The following PSMG4 variants were observed in gnomAD, a reference collection of about 807,000 sequenced individuals.
PSMG4 encodes proteasome assembly chaperone 4, also known as proteasome (prosome, macropain) assembly chaperone 4.
PSMG4 carries 10 observed loss-of-function variants against 11.0 expected under a neutral mutation model. The ratio of observed to expected loss-of-function variants is 0.91; its 90% CI spans 0.56 to 1.54. PSMG4 has a LOEUF of 1.54. PSMG4 is among the 40% of genes most tolerant of loss of function. PSMG4 has a pLI of 0.00. For synonymous variants in PSMG4, 95 were observed against 71.3 expected (o/e 1.33, Z -1.68); for missense variants, 198 against 160.9 (o/e 1.23, Z -1.25).
upstream of PSMG4, chr6:3,255,323 G>T (rs1019759515): frequency 3.3e-6 from 5 of 1,495,728 alleles, no homozygotes; most frequent in African/African-American, 7.0e-5. Flanking sequence ...GAGGCTAACG[G>T]CAACTGGTGG....
intron 2 of PSMG4, chr6:3,264,480 C>G: frequency 7.3e-7 from 1 of 1,361,898 alleles, no homozygotes; most frequent in South Asian, 1.5e-5. Context: ...GACCTGGTAC[C>G]TGACAAGCAG....
At chr6:3,256,397 A>G (rs1228321768), upstream of PSMG4, among the ~76,000 whole-genome samples, 2 of 152,110 alleles carry the variant, frequency 1.3e-5, no homozygotes, top group African/African-American at 4.8e-5. Flanking sequence ...ATGGTTCCCC[A>G]CTCGAGAAGG....
upstream of PSMG4, chr6:3,258,876 T>C (rs1757851523): frequency 1.8e-5 from 14 of 775,354 alleles, no homozygotes; most frequent in East Asian, 4.4e-4. Flanking sequence ...GGATCGCCCC[T>C]CCCCGACCAC....
upstream of PSMG4, chr6:3,258,891 C>CTCACCCCCGCCCT (rs1286610588): frequency 1.1e-6 from 1 of 929,526 alleles, no homozygotes; most frequent in Non-Finnish European, 1.4e-6. Flanking sequence ...GACCACGCCC[C>CTCACCCCCGCCCT]TCACCCCCGC....
chr6:3,267,771 A>G lies in PSMG4; in HGVS notation c.*59A>G. 6.7e-7 allele frequency: 1 copy of G among 1,502,298 alleles called. No individual in the cohort carries two copies. The highest frequency in any genetic ancestry group is 9.0e-7 in the Non-Finnish European group (1 of 1,110,298). The allele number at this position is 1,502,298 out of a possible 1,614,324, so 93.1% of individuals were successfully genotyped here. A position where few individuals can be genotyped will look rare whatever the true frequency, so the allele number is the denominator to read the frequency against. ...GTACAATGTACGTGTAAATAAATGG[A>G]TTGAATTTCAGTTTGTCATCAGGCC... On this transcript the variant is annotated 3_prime_UTR_variant, in exon 3 of 3. Coordinates refer to ENST00000438998, the MANE Select transcript of PSMG4 (RefSeq NM_001128591.2).
At chr6:3,264,288 C>T (rs1232262877) in intron 2 of PSMG4, 3 of 1,551,374 alleles carry the variant, frequency 1.9e-6, no homozygotes, top group Middle Eastern at 1.7e-4. Context: ...CTGAATGCTC[C>T]ACTCTTCCCA....
At chr6:3,259,757 C>G (rs1757905554) in intron 1 of PSMG4, among the ~76,000 whole-genome samples, 1 of 152,182 alleles carries the variant, frequency 6.6e-6, no homozygotes, top group Non-Finnish European at 1.5e-5. Context: ...TGCCGCCAGT[C>G]AAAGCAGACA....
At chr6:3,254,721 G>A (rs1487687853), upstream of PSMG4, among the ~76,000 whole-genome samples, 2 of 152,156 alleles carry the variant, frequency 1.3e-5, no homozygotes, top group East Asian at 1.9e-4. Flanking sequence ...CTGGACACCA[G>A]AAAAAACAAA....
chr6:3,261,750 G>C (rs11242840), intron 1 of PSMG4, among the ~76,000 whole-genome samples: 103,665 of 151,812 alleles, frequency 0.68, 38,387 homozygotes, highest in Non-Finnish European at 0.83. Flanking sequence ...GACCCGTGGG[G>C]CGGCCCTCCA....
At chr6:3,258,828 A>G (rs1757849674), upstream of PSMG4, 1 of 435,904 alleles carries the variant, frequency 2.3e-6, no homozygotes, top group Non-Finnish European at 3.8e-6. Context: ...CAGGGCCGGC[A>G]GCCGCCCCGC....
intron 1 of PSMG4, among the ~76,000 whole-genome samples, chr6:3,260,054 C>G (rs902281497): frequency 1.1e-4 from 17 of 152,006 alleles, no homozygotes; most frequent in African/African-American, 3.6e-4. Context: ...ATCCTCCTTC[C>G]TCAGCCTCCC....
At chr6:3,258,923 A>C, upstream of PSMG4, 1 of 1,151,182 alleles carries the variant, frequency 8.7e-7, no homozygotes, top group Non-Finnish European at 1.1e-6. Context: ...CGAAAGCGAA[A>C]GCGCGCTCGG....
upstream of PSMG4, chr6:3,254,980 G>A (rs1169519246): frequency 4.1e-6 from 6 of 1,481,272 alleles, no homozygotes; most frequent in Non-Finnish European, 5.4e-6. Context: ...ATGTGGCTGT[G>A]GATCCCATGG....
chr6:3,262,069 G>C lies in PSMG4; in HGVS notation c.175-1615G>C, dbSNP rs550651415. ...GACCTTGGGTTGAGCAGGGATTTTT[G>C]GTGCCCAGAGAGGCTGCAGGACTAG... is the stretch of plus-strand genomic sequence containing the variant. On this transcript the variant is annotated intron_variant, in intron 1 of 2. Transcript: ENST00000438998. 1.8e-4 allele frequency among the ~76,000 whole-genome samples: 27 copies of C among 152,224 alleles called. No individual in the cohort carries two copies. In the South Asian group the frequency reaches 5.6e-3, roughly 32 times the overall value.
intron 1 of PSMG4, among the ~76,000 whole-genome samples, chr6:3,260,896 T>A (rs1341398093): frequency 6.6e-6 from 1 of 152,250 alleles, no homozygotes; most frequent in Non-Finnish European, 1.5e-5. Context: ...TGTTACCTCT[T>A]AGAGCTCCTG....
chr6:3,255,135 C>A, upstream of PSMG4: 1 of 1,551,020 alleles, frequency 6.4e-7, no homozygotes, highest in South Asian at 1.2e-5. Context: ...ACGTATTGGT[C>A]ATTCTCTTTG....
chr6:3,262,802 T>TCC (rs145369798), intron 1 of PSMG4, among the ~76,000 whole-genome samples: 9 of 149,508 alleles, frequency 6.0e-5, no homozygotes, highest in African/African-American at 2.0e-4. Flanking sequence ...GTTTTTTTTT[T>TCC]CCCCCTTTGG....
intron 1 of PSMG4, among the ~76,000 whole-genome samples, chr6:3,261,034 A>C (rs1757971516): frequency 6.6e-6 from 1 of 151,978 alleles, no homozygotes; most frequent in Non-Finnish European, 1.5e-5. Flanking sequence ...CTCCTGATGC[A>C]CCGCTCTCTA....
intron 1 of PSMG4, 72 bp downstream of exon 1, chr6:3,259,268 A>C: frequency 8.3e-7 from 1 of 1,200,550 alleles, no homozygotes; most frequent in Non-Finnish European, 1.0e-6. Context: ...CGCGAGCTGC[A>C]GCCCCCCAGG....
Sources: allele counts gnomAD v4.1 joint callset (sites outside exome capture counted in the v4.1 genomes callset), GRCh38; gene constraint gnomAD v4.1.1; transcripts MANE v1.5; gene names NCBI Gene and HGNC (gene_info 2026-07-23, HGNC 2026-07-21).